The following SP140 variants were observed in gnomAD, a reference collection of about 807,000 sequenced individuals.
SP140 encodes the protein SP140 nuclear body protein.
A neutral mutation model predicts 125.0 loss-of-function variants in SP140; 81 were observed. The ratio of observed to expected loss-of-function variants is 0.65; its 90% confidence interval spans 0.54 to 0.78. The LOEUF (loss-of-function observed/expected upper bound fraction) is 0.78. SP140 is among the 30% of genes least tolerant of loss of function. The pLI, the probability that SP140 is intolerant of heterozygous loss-of-function variation, is 0.00. For synonymous variants in SP140, 312 were observed against 354.0 expected, an observed-to-expected ratio of 0.88 and a Z score of 1.33; for missense variants, 858 against 1,037.0, an observed-to-expected ratio of 0.83 and a Z score of 2.37.
chr2:230,198,339 G>A (rs992838448), upstream of SP140, among the ~76,000 whole-genome samples: 3 of 152,170 alleles, frequency 2.0e-5, no homozygotes, highest in Non-Finnish European at 2.9e-5. Context: ...TCCTGCAAGG[G>A]GGATGATAAT....
intron 10 of SP140, among the ~76,000 whole-genome samples, chr2:230,253,016 A>T (rs2050605600): frequency 6.6e-6 from 1 of 152,200 alleles, no homozygotes. Context: ...AATAAGAGCT[A>T]AAGAAATAAT....
chr2:230,315,910 A>T (rs899130436), downstream of SP140, among the ~76,000 whole-genome samples: 1 of 152,224 alleles, frequency 6.6e-6, no homozygotes, highest in African/African-American at 2.4e-5. Context: ...TGGTATCTTT[A>T]TTATAATGGG....
At chr2:230,279,398 A>G (rs2055192324) in intron 15 of SP140, among the ~76,000 whole-genome samples, 1 of 152,180 alleles carries the variant, frequency 6.6e-6, no homozygotes, top group Non-Finnish European at 1.5e-5. Flanking sequence ...GAGGCATCAT[A>G]CTGTCTGATT....
At chr2:230,306,045 C>T (rs2058729567) in intron 22 of SP140, among the ~76,000 whole-genome samples, 1 of 152,206 alleles carries the variant, frequency 6.6e-6, no homozygotes, top group South Asian at 2.1e-4. Flanking sequence ...TGGCCTGGGC[C>T]TGGCAAGGGC....
intron 22 of SP140, among the ~76,000 whole-genome samples, chr2:230,302,780 G>C (rs2058408835): frequency 6.6e-6 from 1 of 152,120 alleles, no homozygotes; most frequent in South Asian, 2.1e-4. Context: ...GCACGTACAT[G>C]GAAATTAAAT....
chr2:230,186,154 T>TA, the SP140 span: 1 of 1,613,836 alleles, frequency 6.2e-7, no homozygotes, highest in Non-Finnish European at 8.5e-7. Context: ...CTGGACCAAA[T>TA]AGACTTGTGA....
chr2:230,285,071 G>C (rs373130796), intron 16 of SP140, among the ~76,000 whole-genome samples: 1 of 152,062 alleles, frequency 6.6e-6, no homozygotes, highest in African/African-American at 2.4e-5. Flanking sequence ...AAAAGACTAG[G>C]AGAATATTTT....
At chr2:230,262,488 G>A (rs1275170527) in intron 12 of SP140, among the ~76,000 whole-genome samples, 2 of 151,860 alleles carry the variant, frequency 1.3e-5, no homozygotes, top group Non-Finnish European at 2.9e-5. Context: ...TGCTGGGTTT[G>A]GGTTTGGTTT....
At chr2:230,300,491 C>T (rs995994393) in intron 22 of SP140, among the ~76,000 whole-genome samples, 1 of 152,174 alleles carries the variant, frequency 6.6e-6, no homozygotes, top group South Asian at 2.1e-4. Flanking sequence ...TTTGCAGATA[C>T]TCCCCAGTAC....
At position 230,238,294 on chromosome 2, in the gene SP140, G is replaced by A; in HGVS notation, c.319G>A (p.Gly107Ser). 6.2e-7 allele frequency: 1 copy of A among 1,613,818 alleles called. No individual in the cohort carries two copies. The highest frequency in any genetic ancestry group is 8.5e-7 in the Non-Finnish European group (1 of 1,179,752). The change falls in exon 3 of 27, where the codon GGC becomes AGC. Residue 107 changes from glycine (G) to serine (S), a missense_variant. Gly to Ser is a moderately conservative substitution (Grantham distance 56, BLOSUM62 0). This residue lies in a region of SP140 where 791 missense variants were observed against 869.5 expected (regional missense o/e 0.91). Coordinates refer to ENST00000392045, the MANE Select transcript of SP140 (RefSeq NM_007237.5). Reference protein sequence around the residue: ...CVLSELEKTFGWSHLEALFSR... With the variant: ...CVLSELEKTFSWSHLEALFSR... ...ACTCAGTGAACTGGAGAAGACATTT[G>A]GCTGGTCACATCTGGAAGCATTGTT...
At chr2:230,225,622 C>T (rs981207266), upstream of SP140, 11 of 598,076 alleles carry the variant, frequency 1.8e-5, no homozygotes, top group Admixed American at 5.6e-5. Context: ...TCCGTGGCCT[C>T]GTGGGGCTGG....
At chr2:230,236,868 A>G (rs1005649655) in intron 1 of SP140, among the ~76,000 whole-genome samples, 1 of 152,144 alleles carries the variant, frequency 6.6e-6, no homozygotes, top group African/African-American at 2.4e-5. Context: ...TTTTACTTCT[A>G]TGTACAGGTC....
intron 20 of SP140, 81 bp downstream of exon 20, chr2:230,292,869 G>A (rs2149491257): frequency 6.3e-7 from 1 of 1,590,458 alleles, no homozygotes; most frequent in African/African-American, 1.3e-5. Context: ...CCAAATATTT[G>A]TTAGGTTATA....
intron 15 of SP140, among the ~76,000 whole-genome samples, chr2:230,283,320 T>A (rs1459480307): frequency 6.6e-6 from 1 of 152,246 alleles, no homozygotes; most frequent in Non-Finnish European, 1.5e-5. Flanking sequence ...TTCCAGTGGC[T>A]GTACCTTCAT....
chr2:230,236,530 G>C (rs1005743031), intron 1 of SP140, among the ~76,000 whole-genome samples: 3 of 152,186 alleles, frequency 2.0e-5, no homozygotes, highest in Non-Finnish European at 4.4e-5. Context: ...GGAGACCCAG[G>C]AGAGCTGATG....
In SP140 at chr2:230,248,925, A is replaced by C. The variant is rs746657135; in HGVS notation, c.933A>C (p.Gly311=). The C allele has an allele frequency of 1.2e-6, 2 of 1,612,884 alleles. No homozygotes were observed. Among genetic ancestry groups the C allele is most frequent in the Non-Finnish European group, 1.7e-6 (2 of 1,178,902 alleles). ...AAACTCCCCAAGTCACTAATGAAGG[A>C]GAACCAGAGAAGGGGCTCTGTCTAC... ...DLKTPQVTNE[G]EPEKGLCLLP... Residue 311 remains glycine (G), a synonymous_variant, in exon 9 of 27, where the codon GGA becomes GGC. Transcript: ENST00000392045.
intron 1 of SP140, among the ~76,000 whole-genome samples, chr2:230,226,252 C>A (rs781761821): frequency 6.6e-6 from 1 of 152,166 alleles, no homozygotes; most frequent in South Asian, 2.1e-4. Context: ...CTCCAAAAGA[C>A]AACTCTGTCT....
At chr2:230,207,587 G>A (rs973465234) in intron 1 of SP140, among the ~76,000 whole-genome samples, 3 of 152,160 alleles carry the variant, frequency 2.0e-5, no homozygotes, top group African/African-American at 7.2e-5. Context: ...TCAGCAATGG[G>A]CATTACCACT....
intron 15 of SP140, among the ~76,000 whole-genome samples, chr2:230,277,689 G>T (rs898780000): frequency 2.6e-5 from 4 of 152,046 alleles, no homozygotes; most frequent in Admixed American, 2.0e-4. Context: ...CTTACTTCTA[G>T]AATATTTGGA....
Sources: gnomAD v4.1 joint callset for allele counts (sites outside exome capture counted in the v4.1 genomes callset) on GRCh38, gnomAD v4.1.1 for gene constraint, gnomAD v4.1.1 regional missense constraint, MANE v1.5 for transcripts, NCBI Gene and HGNC (gene_info 2026-07-23, HGNC 2026-07-21) for gene names.